The following FHAD1 variants were observed in gnomAD, a reference collection of about 807,000 sequenced individuals.
FHAD1 encodes forkhead-associated domain-containing protein 1.
FHAD1 carries 146 observed loss-of-function variants against 191.3 expected under a neutral mutation model. That is an observed-to-expected ratio of 0.76 (90% CI 0.67 to 0.88). FHAD1 has a LOEUF of 0.88. FHAD1 is among the 40% of genes least tolerant of loss of function. The pLI, the probability that FHAD1 is intolerant of heterozygous loss-of-function variation, is 0.00. For missense variants in FHAD1, 1,635 were observed against 1,785.8 expected, an observed-to-expected ratio of 0.92 and a Z score of 1.52; for synonymous variants, 616 against 672.3, an observed-to-expected ratio of 0.92 and a Z score of 1.29.
intron 2 of FHAD1, among the ~76,000 whole-genome samples, chr1:15,268,063 T>C (rs1370277850): frequency 1.3e-5 from 2 of 151,330 alleles, no homozygotes; most frequent in East Asian, 3.9e-4. Flanking sequence ...GTTACATATG[T>C]ATACATGTGC....
rs531820866 is a variant in FHAD1 at position 15,249,927 on chromosome 1, A to C, written c.-14-1844A>C. ...TGCTAGGGGACCTTAACCTCTCTGC[A>C]TCTCAGTCTCCTTTTCTGTAAAGTA... On this transcript the variant is annotated intron_variant, in intron 1 of 33. Coordinates refer to ENST00000688493, the MANE Select transcript of FHAD1 (RefSeq NM_001391957.1). Among the ~76,000 whole-genome samples, 6 of 152,344 alleles carry C rather than the reference A, an allele frequency of 3.9e-5. No individual in the cohort carries two copies. In the East Asian group the frequency reaches 1.2e-3, roughly 29 times the overall value.
rs1663720831 is a variant in FHAD1, at chr1:15,289,507, C to T, written c.409C>T (p.Gln137Ter). Residue 137 changes from glutamine (Q) to a stop codon, truncating the protein, a stop_gained, in exon 4 of 34, where the codon CAA becomes TAA. Coordinates refer to ENST00000688493, the MANE Select transcript of FHAD1 (RefSeq NM_001391957.1). LOFTEE classifies it high-confidence loss of function. This position sits in a 1 kb window ranked among gnomAD's most constrained non-coding sequence, Gnocchi z 4.2. Reference protein sequence around the residue: ...APPPSHIPFHQGVQPAPMQRS... With the variant: ...APPPSHIPFH ...CCCACCATCACATATCCCCTTCCAC[C>T]AAGGTGTCCAGCCAGCACCGATGCA... 6.4e-7 allele frequency: 1 copy of T among 1,551,748 alleles called. No homozygotes were observed. The highest frequency in any genetic ancestry group is 8.7e-7 in the Non-Finnish European group (1 of 1,147,060).
At position 15,341,893 on chromosome 1, in the gene FHAD1, G is replaced by GGTGGTCCCTGCCATTTGCTT; in HGVS notation, c.2130+6_2130+25dup. ...CAACTGACGGAAGAGAAGGCGGTAAGGTGGTCCCTGCCATTTGCTTTACTA... is the reference window on the plus strand; with the variant it reads ...CAACTGACGGAAGAGAAGGCGGTAAGGTGGTCCCTGCCATTTGCTTGTGGTCCCTGCCATTTGCTTTACTA... On this transcript the variant is annotated splice_donor_region_variant and intron_variant, in intron 16 of 33. Transcript: ENST00000688493. 1 of 1,550,472 alleles carries GGTGGTCCCTGCCATTTGCTT rather than the reference G, an allele frequency of 6.4e-7. No individual in the cohort carries two copies. Among genetic ancestry groups the GGTGGTCCCTGCCATTTGCTT allele is most frequent in the Non-Finnish European group, 8.7e-7 (1 of 1,146,398 alleles).
At chr1:15,358,556 C>G (rs1338401758) in intron 21 of FHAD1, among the ~76,000 whole-genome samples, 1 of 152,218 alleles carries the variant, frequency 6.6e-6, no homozygotes, top group Non-Finnish European at 1.5e-5. Flanking sequence ...TAATGGACCC[C>G]TAATGAGAAG....
At chr1:15,310,315 C>T (rs1444982956) in intron 7 of FHAD1, among the ~76,000 whole-genome samples, 1 of 152,206 alleles carries the variant, frequency 6.6e-6, no homozygotes, top group Non-Finnish European at 1.5e-5. Context: ...TGCAGTCCCC[C>T]TCCCCACTCC....
intron 10 of FHAD1, among the ~76,000 whole-genome samples, chr1:15,322,287 G>C (rs75631935): frequency 0.013 from 1,970 of 152,292 alleles, 30 homozygotes; most frequent in Non-Finnish European, 0.018. Context: ...TGGTGAAAAT[G>C]ATAGCCACAA....
At position 15,349,218 on chromosome 1, in the gene FHAD1, G is replaced by A. The variant is rs1689973366; in HGVS notation, c.2454+69G>A. On this transcript the variant is annotated intron_variant, in intron 19 of 33. Coordinates refer to ENST00000688493, the MANE Select transcript of FHAD1 (RefSeq NM_001391957.1). ...AGCCAGATCCCTGGGAGAGTACAGT[G>A]GGAAATCGGGCAGATATCAGAGCCA... 7 of 1,220,966 alleles carry A rather than the reference G, an allele frequency of 5.7e-6. No individual in the cohort carries two copies. In the Admixed American group the frequency reaches 1.5e-4, roughly 26 times the overall value. The allele number at this position is 1,220,966 out of a possible 1,614,324, so 75.6% of individuals were successfully genotyped here.
In FHAD1 at chr1:15,349,133, T is replaced by G. The variant is rs1484424786; in HGVS notation, c.2438T>G (p.Leu813Ter). 1.3e-6 allele frequency: 2 copies of G among 1,551,006 alleles called. No homozygotes were observed. Among genetic ancestry groups the G allele is most frequent in the Non-Finnish European group, 1.7e-6 (2 of 1,146,480 alleles). The change falls in exon 19 of 34, where the codon TTA (leucine) becomes TGA (stop). Residue 813 changes from leucine to a stop codon, truncating the protein, a stop_gained. Coordinates refer to ENST00000688493, the MANE Select transcript of FHAD1 (RefSeq NM_001391957.1). LOFTEE classifies it high-confidence loss of function. ...AAAGTTCAGGATCTGGAGAACCATTTAACCCAACAGAAGGAGGTATGAGCA... is the reference window on the plus strand; with the variant it reads ...AAAGTTCAGGATCTGGAGAACCATTGAACCCAACAGAAGGAGGTATGAGCA... ...KRKVQDLENH[L>*]TQQKEISESN...
chr1:15,275,514 T>C (rs919311507), intron 3 of FHAD1, among the ~76,000 whole-genome samples: 2 of 152,096 alleles, frequency 1.3e-5, no homozygotes, highest in Non-Finnish European at 2.9e-5. Flanking sequence ...TGCTCTCGGC[T>C]CCCTTTCAGA....
chr1:15,388,409 G>A lies in FHAD1; in HGVS notation c.4269+278G>A, dbSNP rs558516362. On this transcript the variant is annotated intron_variant, in intron 32 of 33. Transcript: ENST00000688493. ...AAGAGACAAGCACGCGTCCAGCCCCGTCTGTCCATTAAGGTGAGAAGGCAG... is the reference window on the plus strand; with the variant it reads ...AAGAGACAAGCACGCGTCCAGCCCCATCTGTCCATTAAGGTGAGAAGGCAG... 22 of 1,111,818 alleles carry A rather than the reference G, an allele frequency of 2.0e-5. No individual in the cohort carries two copies. The East Asian group carries it at 4.1e-4, about 21-fold the overall frequency. 68.9% of individuals were successfully genotyped at this position (1,111,818 alleles called of 1,614,324 possible).
chr1:15,316,297 G>A lies in FHAD1; in HGVS notation c.1171-81G>A. On this transcript the variant is annotated intron_variant, in intron 8 of 33. Transcript: ENST00000688493. The surrounding 1 kb of genome is among the most constrained non-coding windows in gnomAD (Gnocchi z 4.3). ...AGGAAATGCTCTCAGGGGCTCACAT[G>A]GGGCCTTGGAGCCCCTCCTTCCCCC... 1 of 1,110,172 alleles carries A rather than the reference G, an allele frequency of 9.0e-7. No homozygotes were observed. Among genetic ancestry groups the A allele is most frequent in the Non-Finnish European group, 1.3e-6 (1 of 753,398 alleles). 68.8% of individuals were successfully genotyped at this position (1,110,172 alleles called of 1,614,324 possible). A position where few individuals can be genotyped will look rare whatever the true frequency, so the allele number is the denominator to read the frequency against.
chr1:15,298,015 A>G (rs1181015841), intron 5 of FHAD1, among the ~76,000 whole-genome samples: 2 of 152,228 alleles, frequency 1.3e-5, no homozygotes, highest in Non-Finnish European at 2.9e-5. Flanking sequence ...TGATCCGGCA[A>G]TCCCACCACT....
intron 20 of FHAD1, among the ~76,000 whole-genome samples, chr1:15,356,914 G>A (rs887127008): frequency 6.6e-6 from 1 of 151,894 alleles, no homozygotes; most frequent in South Asian, 2.1e-4. Context: ...TGCGTAGAAT[G>A]TCTCAATGTC....
At chr1:15,342,737 A>G (rs2479083) in intron 16 of FHAD1, among the ~76,000 whole-genome samples, 60,555 of 151,632 alleles carry the variant, frequency 0.4, 12,501 homozygotes, top group African/African-American at 0.44. Flanking sequence ...ATAGCTCACC[A>G]CAGCCTCGAA....
At chr1:15,293,508 G>T (rs518943) in intron 4 of FHAD1, among the ~76,000 whole-genome samples, 1 of 151,972 alleles carries the variant, frequency 6.6e-6, no homozygotes, top group Non-Finnish European at 1.5e-5. Context: ...TCACAAGGTC[G>T]GGAGTCTGAG....
At chr1:15,348,998 C>T (rs187848182) in intron 18 of FHAD1, 44 bp from the exon 19 acceptor site, 3 of 1,225,038 alleles carry the variant, frequency 2.4e-6, no homozygotes, top group African/African-American at 1.5e-5. Flanking sequence ...CAATTTCCCC[C>T]CTAAATGTGC....
intron 5 of FHAD1, among the ~76,000 whole-genome samples, chr1:15,300,432 A>G (rs1427817252): frequency 6.6e-6 from 1 of 152,234 alleles, no homozygotes; most frequent in African/African-American, 2.4e-5. Context: ...GAAGAGAGGA[A>G]AGGGGAAAAG....
chr1:15,353,732 G>GA (rs60543047), intron 20 of FHAD1, among the ~76,000 whole-genome samples: 2,945 of 116,658 alleles, frequency 0.025, 109 homozygotes, highest in African/African-American at 0.086. Flanking sequence ...AAAAAGAAAA[G>GA]AAAAAAAAAA....
At position 15,305,443 on chromosome 1, in the gene FHAD1, C is replaced by G. The variant is rs555047547; in HGVS notation, c.916-3170C>G. Among the ~76,000 whole-genome samples the G allele has an allele frequency of 1.4e-4, 21 of 152,248 alleles. No individual in the cohort carries two copies. The South Asian group carries it at 4.4e-3, about 32-fold the overall frequency. Reference sequence around the variant, plus strand: ...AAGAACTGGAAGCAGGCAACTAAAGCCTGGATTTGGATCGTAACTCTACCA... The same window carrying G: ...AAGAACTGGAAGCAGGCAACTAAAGGCTGGATTTGGATCGTAACTCTACCA... On this transcript the variant is annotated intron_variant, in intron 6 of 33. Transcript: ENST00000688493.
Sources: gnomAD v4.1 joint callset for allele counts (sites outside exome capture counted in the v4.1 genomes callset) on GRCh38, gnomAD v4.1.1 for gene constraint, Gnocchi (gnomAD v3.1) non-coding constraint, MANE v1.5 for transcripts, NCBI Gene and HGNC (gene_info 2026-07-23, HGNC 2026-07-21) for gene names.